Variants in CACNA1E observed in about 807,000 individuals in gnomAD.
CACNA1E encodes calcium voltage-gated channel subunit alpha1 E, also known as voltage-dependent R-type calcium channel subunit alpha-1E.
In CACNA1E, 40 loss-of-function variants were observed where a neutral mutation model predicts 259.2. The observed-to-expected ratio is 0.15, with a 90% CI of 0.12 to 0.20. The LOEUF (loss-of-function observed/expected upper bound fraction) is 0.20. CACNA1E is among the 10% of genes least tolerant of loss of function. The pLI, the probability that CACNA1E is intolerant of heterozygous loss-of-function variation, is 1.00. For synonymous variants in CACNA1E, 1,104 were observed against 1,138.5 expected (o/e 0.97, Z 0.61); for missense variants, 1,874 against 3,040.1 (o/e 0.62, Z 9.02).
At chr1:181,400,987 A>G (rs956393416) in intron 1 of CACNA1E, among the ~76,000 whole-genome samples, 3 of 152,100 alleles carry the variant, frequency 2.0e-5, no homozygotes, top group Non-Finnish European at 4.4e-5. Context: ...CTTACCTCAG[A>G]GCAAAAGGCA....
In CACNA1E at chr1:181,591,382, C is replaced by G. The variant is rs370048181; in HGVS notation, c.951+10606C>G. 2.0e-5 allele frequency among the ~76,000 whole-genome samples: 3 copies of G among 152,302 alleles called. No individual in the cohort carries two copies. The East Asian group carries it at 5.8e-4, about 29-fold the overall frequency. On this transcript the variant is annotated intron_variant, in intron 6 of 47. Transcript: ENST00000367573. ...TGTAAGTGATCACACTATTACCTTT[C>G]TGTATGATTCAAGATTTTCTCAATA...
At chr1:181,400,486 C>CCT (rs986671943) in intron 1 of CACNA1E, among the ~76,000 whole-genome samples, 1 of 152,076 alleles carries the variant, frequency 6.6e-6, no homozygotes, top group African/African-American at 2.4e-5. Context: ...GGCATTGACA[C>CCT]CTCTCCCCCA....
At chr1:181,645,583 T>C (rs1291074564) in intron 6 of CACNA1E, among the ~76,000 whole-genome samples, 1 of 152,206 alleles carries the variant, frequency 6.6e-6, no homozygotes, top group Non-Finnish European at 1.5e-5. Flanking sequence ...CGTGTTATTG[T>C]TTTCCCTGAA....
At chr1:181,482,355 C>T (rs1330520819), upstream of CACNA1E, among the ~76,000 whole-genome samples, 1 of 152,278 alleles carries the variant, frequency 6.6e-6, no homozygotes, top group Non-Finnish European at 1.5e-5. Flanking sequence ...TGCGTGTGCG[C>T]CCCACGCCAG....
intron 7 of CACNA1E, among the ~76,000 whole-genome samples, chr1:181,693,049 C>G (rs1431083358): frequency 1.4e-5 from 2 of 141,332 alleles, no homozygotes; most frequent in Non-Finnish European, 3.0e-5. Context: ...AAATGCTCAA[C>G]ATTGCTAATT....
intron 1 of CACNA1E, among the ~76,000 whole-genome samples, chr1:181,503,483 CT>C (rs1229722494): frequency 6.6e-6 from 1 of 152,180 alleles, no homozygotes; most frequent in South Asian, 2.1e-4. Context: ...GGCCAAATGT[CT>C]TTGCTCTTTT....
At chr1:181,790,284 C>A in intron 43 of CACNA1E, among the ~76,000 whole-genome samples, 161 bp from the exon 44 acceptor site, 1 of 139,522 alleles carries the variant, frequency 7.2e-6, no homozygotes, top group Non-Finnish European at 1.5e-5. Flanking sequence ...TCTGTCTCTT[C>A]TAGTGCTTTT....
intron 6 of CACNA1E, among the ~76,000 whole-genome samples, chr1:181,591,683 C>G (rs1652658527): frequency 6.6e-6 from 1 of 152,124 alleles, no homozygotes; most frequent in South Asian, 2.1e-4. Context: ...GCCAAAGGTA[C>G]TATAACATAG....
intron 3 of CACNA1E, among the ~76,000 whole-genome samples, chr1:181,515,530 A>G (rs1040442846): frequency 6.6e-6 from 1 of 152,214 alleles, no homozygotes; most frequent in African/African-American, 2.4e-5. Context: ...GCTAAAAGAC[A>G]GTGGAATTTG....
At chr1:181,397,056 A>G (rs1383215330) in intron 1 of CACNA1E, among the ~76,000 whole-genome samples, 2 of 152,210 alleles carry the variant, frequency 1.3e-5, no homozygotes, top group Non-Finnish European at 2.9e-5. Flanking sequence ...GGGTAGTTCC[A>G]AGCCCTGAAG....
intron 6 of CACNA1E, among the ~76,000 whole-genome samples, chr1:181,589,796 A>G (rs537086130): frequency 6.6e-6 from 1 of 152,320 alleles, no homozygotes; most frequent in African/African-American, 2.4e-5. Context: ...ACTCAAGGGG[A>G]GCCCATGATA....
Position 181,799,142 on chromosome 1 carries a change from T to C in CACNA1E, c.*308T>C. 1 of 238,792 alleles carries C rather than the reference T, an allele frequency of 4.2e-6. No individual in the cohort carries two copies. The highest frequency in any genetic ancestry group is 8.1e-6 in the Non-Finnish European group (1 of 123,806). 14.8% of individuals were successfully genotyped at this position (238,792 alleles called of 1,614,324 possible). ...GGATGGCTTTGCTTCCCCTTGCCCCTTCCCACTTTTCTAAAAGCTGTGGAG... is the reference window on the plus strand; with the variant it reads ...GGATGGCTTTGCTTCCCCTTGCCCCCTCCCACTTTTCTAAAAGCTGTGGAG... On this transcript the variant is annotated 3_prime_UTR_variant, in exon 48 of 48. Coordinates refer to ENST00000367573, the MANE Select transcript of CACNA1E (RefSeq NM_001205293.3).
At chr1:181,342,663 G>GGTGCTTTT (rs1652255760) in intron 1 of CACNA1E, among the ~76,000 whole-genome samples, 2 of 152,080 alleles carry the variant, frequency 1.3e-5, no homozygotes, top group South Asian at 2.1e-4. Context: ...TGCATGTTTG[G>GGTGCTTTT]ATGCTTTTAG....
intron 26 of CACNA1E, among the ~76,000 whole-genome samples, chr1:181,750,786 GTGCAAGGCTTT>G (rs1168104817): frequency 2.0e-5 from 3 of 152,196 alleles, no homozygotes; most frequent in Non-Finnish European, 2.9e-5. Flanking sequence ...GACCACATCA[GTGCAAGGCTTT>G]TGGATTATTT....
intron 1 of CACNA1E, among the ~76,000 whole-genome samples, chr1:181,499,643 A>G (rs1665071152): frequency 1.3e-5 from 2 of 152,352 alleles, no homozygotes; most frequent in African/African-American, 4.8e-5. Context: ...GGTCTCCAGC[A>G]TTCGAAGCCT....
chr1:181,781,314 C>T, intron 38 of CACNA1E, 113 bp from the exon 39 acceptor site: 1 of 660,362 alleles, frequency 1.5e-6, no homozygotes. Context: ...CTGGGAATGC[C>T]TATTCTCCTC....
chr1:181,602,342 T>C (rs1436820706), intron 6 of CACNA1E, among the ~76,000 whole-genome samples: 1 of 152,122 alleles, frequency 6.6e-6, no homozygotes, highest in African/African-American at 2.4e-5. Flanking sequence ...GGACAAGAAG[T>C]GTTTCAGATT....
intron 3 of CACNA1E, among the ~76,000 whole-genome samples, chr1:181,528,057 C>T (rs1332059955): frequency 1.3e-5 from 2 of 151,670 alleles, no homozygotes; most frequent in Admixed American, 6.6e-5. Flanking sequence ...CCCATCTTTC[C>T]ACTTCTGATA....
In CACNA1E at chr1:181,368,145, G is replaced by T. The variant is rs1186504142; in HGVS notation, c.-14-44988G>T. Among the ~76,000 whole-genome samples, 15 of 152,136 alleles carry T rather than the reference G, an allele frequency of 9.9e-5. No homozygotes were observed. The East Asian group carries it at 2.9e-3, about 29-fold the overall frequency. ...ATTGGTGAGCTAAGGCATGAAAATCGCTTGAGCCTGGGAGGCTGAGGTTGC... is the reference window on the plus strand; with the variant it reads ...ATTGGTGAGCTAAGGCATGAAAATCTCTTGAGCCTGGGAGGCTGAGGTTGC... On this transcript the variant is annotated intron_variant, in intron 1 of 11. Transcript: ENST00000524607.
Sources: gnomAD v4.1 joint callset for allele counts (sites outside exome capture counted in the v4.1 genomes callset) on GRCh38, gnomAD v4.1.1 for gene constraint, MANE v1.5 for transcripts, NCBI Gene and HGNC (gene_info 2026-07-23, HGNC 2026-07-21) for gene names.